The following ARB2A variants were observed in gnomAD, a reference collection of about 807,000 sequenced individuals.
ARB2A encodes the protein ARB2 cotranscriptional regulator A, also known as cotranscriptional regulator ARB2A.
At chr5:94,015,916 C>T in the ARB2A span, among the ~76,000 whole-genome samples, 1 of 152,012 alleles carries the variant, frequency 6.6e-6, no homozygotes, top group African/African-American at 2.4e-5. Flanking sequence ...AGCAAACAAG[C>T]AACAAAATGG....
the ARB2A span, among the ~76,000 whole-genome samples, chr5:93,922,362 G>A: frequency 1.2e-4 from 18 of 151,734 alleles, no homozygotes; most frequent in Admixed American, 1.1e-3. Flanking sequence ...CACTACACCA[G>A]AAGAATCAAC....
the ARB2A span, among the ~76,000 whole-genome samples, chr5:93,631,890 C>G: frequency 1.3e-5 from 2 of 152,086 alleles, no homozygotes; most frequent in East Asian, 1.9e-4. Flanking sequence ...TATTTCAAAG[C>G]AAAACAAAAC....
chr5:93,687,732 CAG>C, the ARB2A span, among the ~76,000 whole-genome samples: 2 of 152,228 alleles, frequency 1.3e-5, no homozygotes, highest in Middle Eastern at 6.8e-3. Context: ...TTAATAGAAA[CAG>C]ATTATTTCTC....
chr5:94,001,072 T>C, the ARB2A span, among the ~76,000 whole-genome samples: 1 of 152,090 alleles, frequency 6.6e-6, no homozygotes, highest in Non-Finnish European at 1.5e-5. Context: ...AGTCTTTAAG[T>C]TGAGTATTAT....
At chr5:94,025,872 C>T in the ARB2A span, among the ~76,000 whole-genome samples, 4 of 152,190 alleles carry the variant, frequency 2.6e-5, no homozygotes, top group South Asian at 2.1e-4. Context: ...ATGCTCTGTC[C>T]GATCAGACCA....
the ARB2A span, among the ~76,000 whole-genome samples, chr5:93,928,452 T>C: frequency 6.6e-6 from 1 of 152,200 alleles, no homozygotes; most frequent in South Asian, 2.1e-4. Flanking sequence ...AATAACAAGA[T>C]ATTGAATCTT....
the ARB2A span, among the ~76,000 whole-genome samples, chr5:93,745,521 T>C: frequency 6.6e-6 from 1 of 152,156 alleles, no homozygotes; most frequent in South Asian, 2.1e-4. Flanking sequence ...GTCATTCTGT[T>C]GGTCAGTTAT....
chr5:93,741,358 G>T, the ARB2A span: 1 of 1,611,272 alleles, frequency 6.2e-7, no homozygotes, highest in Non-Finnish European at 8.5e-7. Flanking sequence ...GAATTCGTGT[G>T]GCAGGGGACC....
At chr5:93,974,202 T>C in the ARB2A span, among the ~76,000 whole-genome samples, 1 of 152,158 alleles carries the variant, frequency 6.6e-6, no homozygotes. Context: ...GATCTATCTA[T>C]ACAGAAAGAT....
the ARB2A span, among the ~76,000 whole-genome samples, chr5:94,091,644 C>T: frequency 5.9e-5 from 9 of 152,166 alleles, no homozygotes; most frequent in Non-Finnish European, 1.2e-4. Flanking sequence ...ACACTGTTCC[C>T]ATATAGAATG....
At chr5:94,005,196 GT>G in the ARB2A span, among the ~76,000 whole-genome samples, 4 of 151,428 alleles carry the variant, frequency 2.6e-5, no homozygotes, top group Non-Finnish European at 4.4e-5. Context: ...GCCACTCCGT[GT>G]TTTTTTTGTT....
chr5:93,962,352 C>G, the ARB2A span, among the ~76,000 whole-genome samples: 14 of 152,078 alleles, frequency 9.2e-5, no homozygotes, highest in Admixed American at 2.0e-4. Context: ...GAGTTCTATA[C>G]AAGTATGAGA....
chr5:93,779,127 G>A, the ARB2A span, among the ~76,000 whole-genome samples: 13 of 128,846 alleles, frequency 1.0e-4, no homozygotes, highest in South Asian at 1.2e-3. Flanking sequence ...GTGTGTGTGC[G>A]CGCGCGCGCG....
the ARB2A span, among the ~76,000 whole-genome samples, chr5:93,640,573 T>C: frequency 6.7e-6 from 1 of 148,810 alleles, no homozygotes; most frequent in East Asian, 1.9e-4. Flanking sequence ...TGTGTGTGTG[T>C]ATGTGTGTGT....
the ARB2A span, among the ~76,000 whole-genome samples, chr5:93,669,276 G>A: frequency 6.6e-6 from 1 of 152,280 alleles, no homozygotes; most frequent in Admixed American, 6.5e-5. Context: ...TTTTTAAAAG[G>A]TGATAAAACT....
At chr5:93,883,569 A>C in the ARB2A span, among the ~76,000 whole-genome samples, 1 of 151,632 alleles carries the variant, frequency 6.6e-6, no homozygotes, top group African/African-American at 2.4e-5. Context: ...GATTTTCTAC[A>C]GTTGGACACA....
the ARB2A span, among the ~76,000 whole-genome samples, chr5:94,082,924 C>T: frequency 6.6e-6 from 1 of 152,156 alleles, no homozygotes; most frequent in African/African-American, 2.4e-5. Flanking sequence ...ATATAAGTTA[C>T]AGTGGTTATT....
At chr5:93,887,050 T>C in the ARB2A span, among the ~76,000 whole-genome samples, 2 of 151,728 alleles carry the variant, frequency 1.3e-5, no homozygotes, top group Admixed American at 6.6e-5. Flanking sequence ...CTGTTGTCTA[T>C]TATTTTTACA....
At chr5:94,010,376 C>T in the ARB2A span, among the ~76,000 whole-genome samples, 1 of 152,070 alleles carries the variant, frequency 6.6e-6, no homozygotes, top group African/African-American at 2.4e-5. Flanking sequence ...GCTCTCTAAC[C>T]GAGAAAGCAT....
Sources: allele counts gnomAD v4.1 joint callset (sites outside exome capture counted in the v4.1 genomes callset), GRCh38; gene constraint gnomAD v4.1.1; transcripts MANE v1.5; gene names NCBI Gene and HGNC (gene_info 2026-07-23, HGNC 2026-07-21).